Variants in SLC24A3 observed in about 807,000 individuals in gnomAD.
SLC24A3 encodes the protein sodium/potassium/calcium exchanger 3.
SLC24A3 carries 28 observed loss-of-function variants against 75.8 expected under a neutral mutation model. The observed-to-expected ratio is 0.37, with a 90% CI of 0.27 to 0.51. The LOEUF (loss-of-function observed/expected upper bound fraction) is 0.51. Among genes scored for constraint, SLC24A3 ranks in the 20% least tolerant of loss-of-function variants. The pLI, the probability that SLC24A3 is intolerant of heterozygous loss-of-function variation, is 0.94. For synonymous variants in SLC24A3, 372 were observed against 334.1 expected (o/e 1.11, Z -1.24); for missense variants, 663 against 847.8 (o/e 0.78, Z 2.71).
chr20:19,597,956 C>T (rs1017913615), intron 6 of SLC24A3, among the ~76,000 whole-genome samples: 2 of 152,170 alleles, frequency 1.3e-5, no homozygotes, highest in Admixed American at 1.3e-4. Context: ...TGCCACATTT[C>T]ACCCACTCAT....
chr20:19,608,059 C>A (rs1346143175), intron 6 of SLC24A3, among the ~76,000 whole-genome samples: 1 of 152,232 alleles, frequency 6.6e-6, no homozygotes, highest in African/African-American at 2.4e-5. Context: ...TTTAAAAGTG[C>A]AAGTCATTTT....
intron 3 of SLC24A3, among the ~76,000 whole-genome samples, chr20:19,544,856 C>A (rs1440148338): frequency 1.3e-5 from 2 of 152,064 alleles, no homozygotes; most frequent in Admixed American, 6.6e-5. Context: ...CAACTCCAAG[C>A]AATAGTAAAG....
At chr20:19,697,540 C>T (rs910483976) in intron 14 of SLC24A3, 1 of 152,410 alleles carries the variant, frequency 6.6e-6, no homozygotes, top group African/African-American at 2.4e-5. Context: ...TCCTTCCCTC[C>T]TTCAAAGCCA....
At chr20:19,337,311 G>A (rs1286205214) in intron 2 of SLC24A3, among the ~76,000 whole-genome samples, 1 of 152,146 alleles carries the variant, frequency 6.6e-6, no homozygotes, top group Non-Finnish European at 1.5e-5. Context: ...AGGTGTGGTG[G>A]CACATGTCTG....
chr20:19,412,593 G>A (rs1356668668), intron 2 of SLC24A3, among the ~76,000 whole-genome samples: 1 of 151,424 alleles, frequency 6.6e-6, no homozygotes, highest in Non-Finnish European at 1.5e-5. Context: ...AGGGCAGGAA[G>A]AGAAAGAGAA....
intron 1 of SLC24A3, among the ~76,000 whole-genome samples, chr20:19,257,223 A>G (rs1023522975): frequency 9.9e-5 from 15 of 152,218 alleles, no homozygotes; most frequent in Non-Finnish European, 1.3e-4. Flanking sequence ...AGCTGGGACC[A>G]TCACTTTCTC....
intron 15 of SLC24A3, among the ~76,000 whole-genome samples, chr20:19,716,029 G>A (rs1427768987): frequency 6.6e-6 from 1 of 152,192 alleles, no homozygotes; most frequent in Non-Finnish European, 1.5e-5. Flanking sequence ...CTAAATCAGT[G>A]GTTCTTAAAC....
intron 2 of SLC24A3, among the ~76,000 whole-genome samples, chr20:19,444,303 G>A (rs1312890905): frequency 6.6e-6 from 1 of 152,078 alleles, no homozygotes; most frequent in Non-Finnish European, 1.5e-5. Context: ...TTCCTTTCAT[G>A]TAATTTATCT....
At chr20:19,459,724 T>C (rs1037646883) in intron 2 of SLC24A3, among the ~76,000 whole-genome samples, 2 of 152,148 alleles carry the variant, frequency 1.3e-5, no homozygotes, top group African/African-American at 4.8e-5. Context: ...AAGCTGAATA[T>C]AGGTTTGTGA....
At chr20:19,429,282 G>A (rs1987062649) in intron 2 of SLC24A3, among the ~76,000 whole-genome samples, 1 of 152,346 alleles carries the variant, frequency 6.6e-6, no homozygotes, top group South Asian at 2.1e-4. Flanking sequence ...AGAGGAGGCT[G>A]CTGATATTTG....
chr20:19,365,493 G>GT lies in SLC24A3; in HGVS notation c.271+84409dup, dbSNP rs568915441. ...TTCACATTCTACACTCTTTAGCAGA[G>GT]TTTCTATATGGGAATGCATTAGGAA... On this transcript the variant is annotated intron_variant, in intron 2 of 16. Transcript: ENST00000328041. 3.6e-4 allele frequency among the ~76,000 whole-genome samples: 55 copies of GT among 152,256 alleles called. No individual in the cohort carries two copies. In the South Asian group the frequency reaches 0.011, roughly 31 times the overall value.
chr20:19,675,655 C>T (rs561502325), intron 9 of SLC24A3, among the ~76,000 whole-genome samples: 1 of 152,260 alleles, frequency 6.6e-6, no homozygotes, highest in East Asian at 1.9e-4. Context: ...CATACATATC[C>T]TGGTACCATA....
At chr20:19,226,131 G>T (rs1196890596) in intron 1 of SLC24A3, among the ~76,000 whole-genome samples, 1 of 152,104 alleles carries the variant, frequency 6.6e-6, no homozygotes, top group Non-Finnish European at 1.5e-5. Context: ...TATCAAGGGT[G>T]GATATTGGTT....
At chr20:19,291,893 A>G (rs1054866613) in intron 2 of SLC24A3, among the ~76,000 whole-genome samples, 13 of 152,258 alleles carry the variant, frequency 8.5e-5, no homozygotes, top group African/African-American at 2.9e-4. Flanking sequence ...GACTGGGTCC[A>G]AAGAGCAGGC....
At position 19,481,093 on chromosome 20, in the gene SLC24A3, G is replaced by A. The variant is rs1010541986; in HGVS notation, c.272-34395G>A. ...TTTTGGAGCACATTCAGGGCATTGCGACAGGAACTTGGGAACCAAATAGTA... is the reference window on the plus strand; with the variant it reads ...TTTTGGAGCACATTCAGGGCATTGCAACAGGAACTTGGGAACCAAATAGTA... On this transcript the variant is annotated intron_variant, in intron 2 of 16. Coordinates refer to ENST00000328041, the MANE Select transcript of SLC24A3 (RefSeq NM_020689.4). Among the ~76,000 whole-genome samples, 7 of 152,126 alleles carry A rather than the reference G, an allele frequency of 4.6e-5. No individual in the cohort carries two copies. In the East Asian group the frequency reaches 7.7e-4, roughly 17 times the overall value.
intron 6 of SLC24A3, among the ~76,000 whole-genome samples, chr20:19,637,152 T>A (rs941064076): frequency 6.6e-6 from 1 of 152,218 alleles, no homozygotes; most frequent in Non-Finnish European, 1.5e-5. Flanking sequence ...AATACAAAAA[T>A]TAGCCAGACA....
chr20:19,598,065 A>G lies in SLC24A3; in HGVS notation c.612+12521A>G, dbSNP rs189713589. Among the ~76,000 whole-genome samples the G allele has an allele frequency of 7.9e-5, 12 of 152,314 alleles. No homozygotes were observed. The East Asian group carries it at 1.5e-3, about 20-fold the overall frequency. On this transcript the variant is annotated intron_variant, in intron 6 of 16. Coordinates refer to ENST00000328041, the MANE Select transcript of SLC24A3 (RefSeq NM_020689.4). The stretch of plus-strand genomic sequence containing the variant: ...GTATCCCTTCAATACTGAGTTTGCA[A>G]TCTTAAAATGGAGAAGTGAAGGACA...
At chr20:19,702,768 G>A (rs577816381) in intron 15 of SLC24A3, among the ~76,000 whole-genome samples, 6 of 152,288 alleles carry the variant, frequency 3.9e-5, no homozygotes, top group East Asian at 3.9e-4. Context: ...TATGGTGTGA[G>A]GTAGGGATTC....
At chr20:19,445,096 T>G (rs1425084759) in intron 2 of SLC24A3, among the ~76,000 whole-genome samples, 1 of 152,206 alleles carries the variant, frequency 6.6e-6, no homozygotes, top group African/African-American at 2.4e-5. Flanking sequence ...ACTGACCTTT[T>G]TCATGACCTT....
Sources: allele counts gnomAD v4.1 joint callset (sites outside exome capture counted in the v4.1 genomes callset), GRCh38; gene constraint gnomAD v4.1.1; transcripts MANE v1.5; gene names NCBI Gene and HGNC (gene_info 2026-07-23, HGNC 2026-07-21).